RNF166: variants seen among roughly 807,000 people sequenced by gnomAD.
RNF166 encodes E3 ubiquitin-protein ligase RNF166.
In RNF166, 19 loss-of-function variants were observed where a neutral mutation model predicts 29.4. That is an observed-to-expected ratio of 0.65 (90% CI 0.45 to 0.95). The LOEUF is 0.95. Among genes scored for constraint, RNF166 ranks in the 40% least tolerant of loss-of-function variants. RNF166 has a pLI of 0.00. For synonymous variants in RNF166, 171 were observed against 134.5 expected (o/e 1.27, Z -1.88); for missense variants, 347 against 322.1 (o/e 1.08, Z -0.59).
Position 88,699,916 on chromosome 16 carries a change from A to G in RNF166, c.313-184T>C, listed in dbSNP as rs1910040067. On this transcript the variant is annotated intron_variant, in intron 2 of 5. Transcript: ENST00000312838. ...TCAGGCACTGAGCAGCCACTACTCC[A>G]TGGCCAAAAGCAAGTCACTGCAGGA... 13 of 510,354 alleles carry G rather than the reference A, an allele frequency of 2.5e-5. 1 individual carries two copies. The South Asian group carries it at 3.5e-4, about 14-fold the overall frequency. The allele number at this position is 510,354 out of a possible 1,614,324, so 31.6% of individuals were successfully genotyped here. A position where few individuals can be genotyped will look rare whatever the true frequency, so the allele number is the denominator to read the frequency against.
chr16:88,701,763 C>G (rs1018057911), intron 1 of RNF166: 2 of 272,134 alleles, frequency 7.3e-6, no homozygotes, highest in African/African-American at 4.4e-5. Flanking sequence ...CACGTGGCGA[C>G]AACACCTGGG....
rs377654103 is a variant in RNF166, at chr16:88,698,559, G to A, written c.591C>T (p.Ser197=). Residue 197 remains serine (S), a synonymous_variant, in exon 5 of 6, where the codon AGC becomes AGT. Coordinates refer to ENST00000312838, the MANE Select transcript of RNF166 (RefSeq NM_178841.4). ...AMPWGDPSYK[S]ANFLQHLLHR... is the part of the protein sequence containing the mutation. ...GAAGCAGGTGCTGCAGGAAGTTGGC[G>A]CTCTTGTAGCTGGGGTCCCCCCAGG... 20 of 1,570,598 alleles carry A rather than the reference G, an allele frequency of 1.3e-5. No individual in the cohort carries two copies. The highest frequency in any genetic ancestry group is 7.4e-5 in the Admixed American group (4 of 54,268).
chr16:88,702,923 G>T, intron 1 of RNF166: 1 of 985,500 alleles, frequency 1.0e-6, no homozygotes, highest in Non-Finnish European at 1.2e-6. Flanking sequence ...GGCCTCAGGG[G>T]ACCCCCATAC....
intron 2 of RNF166, chr16:88,700,609 C>T (rs1187747914): frequency 4.1e-6 from 4 of 985,662 alleles, no homozygotes; most frequent in Non-Finnish European, 4.8e-6. Context: ...AACGCAAATG[C>T]AAAATCACCT....
chr16:88,698,009 A>G, intron 5 of RNF166: 1 of 490,674 alleles, frequency 2.0e-6, no homozygotes, highest in Non-Finnish European at 3.7e-6. Flanking sequence ...AGCCATCGCC[A>G]GGACTGTTAG....
rs374423821 is a variant in RNF166 at position 88,698,618 on chromosome 16, G to C, written c.541-9C>G. The C allele has an allele frequency of 8.2e-5, 123 of 1,507,424 alleles. No homozygotes were observed. The Middle Eastern group carries it at 1.0e-3, about 12-fold the overall frequency. 93.4% of individuals were successfully genotyped at this position (1,507,424 alleles called of 1,614,324 possible). On this transcript the variant is annotated splice_polypyrimidine_tract_variant and intron_variant, in intron 4 of 5. Transcript: ENST00000312838. ...GAGCAGATGGGGCACACCTGGAACA[G>C]GCACTGGGGTCAAGCCGAGCCGGAC... is the stretch of plus-strand genomic sequence containing the variant.
chr16:88,704,427 G>A, intron 1 of RNF166: 1 of 985,396 alleles, frequency 1.0e-6, no homozygotes, highest in Non-Finnish European at 1.2e-6. Flanking sequence ...GAGTTTTATA[G>A]GAAAGATGCT....
chr16:88,706,316 A>G lies in RNF166; in HGVS notation c.10T>C (p.Phe4Leu), dbSNP rs1910800230. MAM[F>L]RSLVASAQQR... is the part of the protein sequence containing the mutation. Reference sequence around the variant, plus strand: ...TGAGCCGAGGCCACCAGGCTGCGGAACATAGCCATCCCGGGGCCAGGCCCG... The same window carrying G: ...TGAGCCGAGGCCACCAGGCTGCGGAGCATAGCCATCCCGGGGCCAGGCCCG... Residue 4 changes from phenylalanine to leucine, a missense_variant, in exon 1 of 6, where the codon TTC becomes CTC. Phe to Leu is a conservative substitution (Grantham distance 22, BLOSUM62 0). Coordinates refer to ENST00000312838, the MANE Select transcript of RNF166 (RefSeq NM_178841.4). 1 of 1,229,478 alleles carries G rather than the reference A, an allele frequency of 8.1e-7. No individual in the cohort carries two copies. The highest frequency in any genetic ancestry group is 3.5e-5 in the East Asian group (1 of 28,588). The allele number at this position is 1,229,478 out of a possible 1,614,324, so 76.2% of individuals were successfully genotyped here. A position where few individuals can be genotyped will look rare whatever the true frequency, so the allele number is the denominator to read the frequency against.
intron 1 of RNF166, chr16:88,704,016 G>T: frequency 1.0e-6 from 1 of 985,490 alleles, no homozygotes; most frequent in Non-Finnish European, 1.2e-6. Context: ...TCCCCTGGCT[G>T]AGAACAGCTC....
chr16:88,699,170 C>A (rs1909951686), intron 3 of RNF166, 85 bp from the exon 4 acceptor site: 15 of 962,236 alleles, frequency 1.6e-5, no homozygotes, highest in Non-Finnish European at 2.3e-5. Context: ...AGGCGTGGCC[C>A]CAGGCCTGCC....
At position 88,704,037 on chromosome 16, in the gene RNF166, C is replaced by A. The variant is rs1184114004; in HGVS notation, c.155+2134G>T. On this transcript the variant is annotated intron_variant, in intron 1 of 5. Coordinates refer to ENST00000312838, the MANE Select transcript of RNF166 (RefSeq NM_178841.4). ...GGCTGAGAACAGCTCCTGCTGGGCCCCCAGGGGGCCTCCTGCGCGAGGGCT... is the reference window on the plus strand; with the variant it reads ...GGCTGAGAACAGCTCCTGCTGGGCCACCAGGGGGCCTCCTGCGCGAGGGCT... 12 of 985,356 alleles carry A rather than the reference C, an allele frequency of 1.2e-5. No homozygotes were observed. In the Admixed American group the frequency reaches 7.4e-4, roughly 61 times the overall value. 61.0% of individuals were successfully genotyped at this position (985,356 alleles called of 1,614,324 possible). A position where few individuals can be genotyped will look rare whatever the true frequency, so the allele number is the denominator to read the frequency against.
rs564455251 is a variant in RNF166 at position 88,706,366 on chromosome 16, G to T, written c.-41C>A. ...GCGCCGCCCGCCGCCCGCTGTCCTG[G>T]CCCGGGCCGGCCCGCTAGTCACAGC... On this transcript the variant is annotated 5_prime_UTR_variant, in exon 1 of 6. Transcript: ENST00000312838. The T allele has an allele frequency of 9.2e-5, 112 of 1,215,410 alleles. No individual in the cohort carries two copies. Among genetic ancestry groups the T allele is most frequent in the Non-Finnish European group, 1.1e-4 (107 of 975,020 alleles). 75.3% of individuals were successfully genotyped at this position (1,215,410 alleles called of 1,614,324 possible). A position where few individuals can be genotyped will look rare whatever the true frequency, so the allele number is the denominator to read the frequency against.
chr16:88,699,003 C>A lies in RNF166; in HGVS notation c.508G>T (p.Val170Leu). The A allele has an allele frequency of 6.2e-7, 1 of 1,607,064 alleles. No individual in the cohort carries two copies. The highest frequency in any genetic ancestry group is 8.5e-7 in the Non-Finnish European group (1 of 1,177,348). ...LDQQELVKHC[V>L]ESHRSDPNRV... is the part of the protein sequence containing the mutation. ...TTGGGGTCGCTGCGGTGGCTTTCCA[C>A]ACAGTGCTTCACCAGCTCCTGCTGG... Residue 170 changes from valine (V) to leucine (L), a missense_variant, in exon 4 of 6, where the codon GTG becomes TTG. Physicochemically the swap from Val to Leu is conservative, Grantham distance 32. Transcript: ENST00000312838.
intron 1 of RNF166, among the ~76,000 whole-genome samples, chr16:88,702,420 G>C (rs958311270): frequency 6.6e-6 from 1 of 152,204 alleles, no homozygotes; most frequent in African/African-American, 2.4e-5. Flanking sequence ...TGGTACAGGA[G>C]CCCCACTGGA....
intron 4 of RNF166, 29 bp from the exon 5 acceptor site, chr16:88,698,638 C>G (rs765547193): frequency 3.4e-6 from 5 of 1,470,886 alleles, no homozygotes; most frequent in Non-Finnish European, 4.6e-6. Flanking sequence ...TCAAGCCGAG[C>G]CGGACCGCGG....
At chr16:88,704,032 G>C (rs1053209854) in intron 1 of RNF166, 1 of 985,334 alleles carries the variant, frequency 1.0e-6, no homozygotes, top group African/African-American at 1.7e-5. Flanking sequence ...AGCTCCTGCT[G>C]GGCCCCCAGG....
intron 5 of RNF166, 70 bp downstream of exon 5, chr16:88,698,432 C>A: frequency 8.0e-7 from 1 of 1,252,312 alleles, no homozygotes; most frequent in Non-Finnish European, 1.1e-6. Context: ...CTGAGGCTGG[C>A]GAGGGGCCCG....
rs1035723341 is a variant in RNF166 at position 88,697,100 on chromosome 16, T to C, written c.*468A>G. On this transcript the variant is annotated 3_prime_UTR_variant, in exon 6 of 6. Transcript: ENST00000312838. ...ATCACACTGGATAATATAGAAAAGA[T>C]GCCAGGGTTCCTAAGTATCACAAAA... The C allele has an allele frequency of 1.2e-5, 2 of 165,924 alleles. No individual in the cohort carries two copies. Among genetic ancestry groups the C allele is most frequent in the South Asian group, 1.5e-4 (1 of 6,878 alleles). The allele number at this position is 165,924 out of a possible 1,614,324, so 10.3% of individuals were successfully genotyped here.
At chr16:88,698,253 G>T (rs1443451152) in intron 5 of RNF166, 3 of 679,434 alleles carry the variant, frequency 4.4e-6, no homozygotes, top group South Asian at 1.6e-5. Flanking sequence ...GGCAGGCAGG[G>T]ACCTGCCCTG....
Sources: allele counts gnomAD v4.1 joint callset (sites outside exome capture counted in the v4.1 genomes callset), GRCh38; gene constraint gnomAD v4.1.1; transcripts MANE v1.5; gene names NCBI Gene and HGNC (gene_info 2026-07-23, HGNC 2026-07-21).